ADAMTS18: variants seen among roughly 807,000 people sequenced by gnomAD.
ADAMTS18 encodes A disintegrin and metalloproteinase with thrombospondin motifs 18.
ADAMTS18 carries 157 observed loss-of-function variants against 165.9 expected under a neutral mutation model. The ratio of observed to expected loss-of-function variants is 0.95; its 90% CI spans 0.83 to 1.08. The LOEUF (loss-of-function observed/expected upper bound fraction) is 1.08. Ranked by LOEUF, ADAMTS18 falls within the 50% of genes least tolerant of loss-of-function variation. The probability of loss-of-function intolerance (pLI) is 0.00; values close to 1 mark genes in which losing one functional copy is unlikely to be tolerated. For synonymous variants in ADAMTS18, 782 were observed against 578.2 expected, an observed-to-expected ratio of 1.35 and a Z score of -5.06; for missense variants, 2,040 against 1,534.0, an observed-to-expected ratio of 1.33 and a Z score of -5.51.
At chr16:77,414,009 TATG>T (rs1175298013) in intron 3 of ADAMTS18, among the ~76,000 whole-genome samples, 2 of 152,202 alleles carry the variant, frequency 1.3e-5, no homozygotes, top group African/African-American at 2.4e-5. Context: ...TACATAGAAA[TATG>T]ATGACATAGA....
intron 16 of ADAMTS18, among the ~76,000 whole-genome samples, chr16:77,302,461 C>T (rs1370576114): frequency 6.6e-6 from 1 of 152,068 alleles, no homozygotes; most frequent in Non-Finnish European, 1.5e-5. Flanking sequence ...TGCGCTAAGG[C>T]CCACAAGGCA....
chr16:77,367,229 A>G (rs905475167), intron 4 of ADAMTS18, among the ~76,000 whole-genome samples: 8 of 152,214 alleles, frequency 5.3e-5, no homozygotes, highest in African/African-American at 1.9e-4. Context: ...CTAAAAGAGT[A>G]AAAAAGAAAC....
chr16:77,390,497 C>A (rs1376791784), intron 3 of ADAMTS18, among the ~76,000 whole-genome samples: 2 of 152,024 alleles, frequency 1.3e-5, no homozygotes, highest in African/African-American at 2.4e-5. Flanking sequence ...TGAGACCAGC[C>A]TGACCGAAAT....
intron 10 of ADAMTS18, among the ~76,000 whole-genome samples, chr16:77,343,704 C>T (rs1478502242): frequency 6.6e-6 from 1 of 152,142 alleles, no homozygotes; most frequent in Non-Finnish European, 1.5e-5. Flanking sequence ...CTCAAATTCT[C>T]CAGGCCTCAG....
intron 16 of ADAMTS18, among the ~76,000 whole-genome samples, chr16:77,300,624 TA>T (rs1279892921): frequency 4.6e-5 from 7 of 152,208 alleles, no homozygotes; most frequent in Admixed American, 2.0e-4. Context: ...AGGTAGATGC[TA>T]AAGAGCAAAA....
chr16:77,344,813 T>A (rs1034737396), intron 10 of ADAMTS18, among the ~76,000 whole-genome samples: 2 of 151,880 alleles, frequency 1.3e-5, no homozygotes, highest in Admixed American at 6.6e-5. Flanking sequence ...TCTTCTGCGG[T>A]GGAGTACAGA....
intron 12 of ADAMTS18, among the ~76,000 whole-genome samples, chr16:77,329,096 G>A (rs1170457673): frequency 6.6e-6 from 1 of 151,828 alleles, no homozygotes. Context: ...CAATGAGGGA[G>A]ATTCTCTCTT....
At position 77,283,899 on chromosome 16, in the gene ADAMTS18, T is replaced by C; in HGVS notation, c.*57A>G. 7.4e-7 allele frequency: 1 copy of C among 1,353,124 alleles called. No homozygotes were observed. The allele number at this position is 1,353,124 out of a possible 1,614,324, so 83.8% of individuals were successfully genotyped here. A position where few individuals can be genotyped will look rare whatever the true frequency, so the allele number is the denominator to read the frequency against. ...CTCCTGGTCTCAAAGGCAGCTGGTC[T>C]CTCTAGAGGTTGAAAGGTAAGCCCC... On this transcript the variant is annotated 3_prime_UTR_variant, in exon 23 of 23. Coordinates refer to ENST00000282849, the MANE Select transcript of ADAMTS18 (RefSeq NM_199355.4).
At chr16:77,431,636 C>A in intron 2 of ADAMTS18, 25 bp from the exon 3 acceptor site, 1 of 1,611,968 alleles carries the variant, frequency 6.2e-7, no homozygotes, top group South Asian at 1.1e-5. Context: ...GTTCAGCTGT[C>A]AGCACCCAGA....
chr16:77,422,802 A>G (rs954242673), intron 3 of ADAMTS18, among the ~76,000 whole-genome samples: 1 of 152,138 alleles, frequency 6.6e-6, no homozygotes. Flanking sequence ...CAATCTCTAC[A>G]TTTTGATTCA....
chr16:77,311,146 T>C (rs2055772633), intron 16 of ADAMTS18, among the ~76,000 whole-genome samples: 1 of 152,188 alleles, frequency 6.6e-6, no homozygotes, highest in African/African-American at 2.4e-5. Context: ...CCTCACGTGT[T>C]GTGGAAAACA....
At position 77,412,146 on chromosome 16, in the gene ADAMTS18, T is replaced by C. The variant is rs1047440816; in HGVS notation, c.495+19149A>G. Among the ~76,000 whole-genome samples the C allele has an allele frequency of 2.0e-5, 3 of 152,022 alleles. No individual in the cohort carries two copies. The South Asian group carries it at 6.2e-4, about 32-fold the overall frequency. ...CTCATTCATCCACTGAAGGCCTAAA[T>C]AGAACAAAAAGACTGAGTAAGGAAG... On this transcript the variant is annotated intron_variant, in intron 3 of 22. Transcript: ENST00000282849.
At chr16:77,390,429 C>A (rs537061471) in intron 3 of ADAMTS18, among the ~76,000 whole-genome samples, 1 of 152,122 alleles carries the variant, frequency 6.6e-6, no homozygotes, top group Non-Finnish European at 1.5e-5. Context: ...CGATGGCTCA[C>A]ATCTGTAATC....
intron 12 of ADAMTS18, among the ~76,000 whole-genome samples, chr16:77,327,599 T>C (rs1317479590): frequency 6.6e-6 from 1 of 152,218 alleles, no homozygotes; most frequent in African/African-American, 2.4e-5. Context: ...CACAGCAACC[T>C]GGATAAAACT....
chr16:77,292,482 A>C (rs981687662), intron 20 of ADAMTS18, among the ~76,000 whole-genome samples: 1 of 152,002 alleles, frequency 6.6e-6, no homozygotes, highest in East Asian at 1.9e-4. Context: ...TTTTGCTTTG[A>C]TTCCTGCTCA....
chr16:77,287,630 C>T (rs566264355), intron 22 of ADAMTS18, among the ~76,000 whole-genome samples: 1 of 152,238 alleles, frequency 6.6e-6, no homozygotes, highest in South Asian at 2.1e-4. Context: ...TGCCACCACA[C>T]CCAGCTAGTT....
At chr16:77,291,515 G>T in intron 20 of ADAMTS18, 37 bp from the exon 21 acceptor site, 1 of 1,595,334 alleles carries the variant, frequency 6.3e-7, no homozygotes. Flanking sequence ...AGTGAAGACT[G>T]CCAGGATCAC....
intron 18 of ADAMTS18, among the ~76,000 whole-genome samples, chr16:77,295,903 G>A (rs1184947734): frequency 6.6e-6 from 1 of 151,830 alleles, no homozygotes; most frequent in Non-Finnish European, 1.5e-5. Flanking sequence ...GAGTGCAATG[G>A]CTCGATCTCA....
chr16:77,420,474 G>A (rs760454040), intron 3 of ADAMTS18, among the ~76,000 whole-genome samples: 3 of 152,178 alleles, frequency 2.0e-5, no homozygotes, highest in Non-Finnish European at 4.4e-5. Context: ...TGAGACCTGA[G>A]CATAAGCGTC....
Sources: gnomAD v4.1 joint callset for allele counts (sites outside exome capture counted in the v4.1 genomes callset) on GRCh38, gnomAD v4.1.1 for gene constraint, MANE v1.5 for transcripts, NCBI Gene and HGNC (gene_info 2026-07-23, HGNC 2026-07-21) for gene names.